The following MCTP2 variants were observed in gnomAD, a reference collection of about 807,000 sequenced individuals.
MCTP2 encodes the protein multiple C2 and transmembrane domain-containing protein 2.
In MCTP2, 132 loss-of-function variants were observed where a neutral mutation model predicts 111.6. The ratio of observed to expected loss-of-function variants is 1.18; its 90% CI spans 1.03 to 1.37. The LOEUF (loss-of-function observed/expected upper bound fraction) is 1.37, where lower values mean the gene tolerates loss of function less well. Among genes scored for constraint, MCTP2 ranks in the 40% most tolerant of loss-of-function variants. The probability of loss-of-function intolerance (pLI) is 0.00; values close to 1 mark genes in which losing one functional copy is unlikely to be tolerated. For missense variants in MCTP2, 1,183 were observed against 1,067.9 expected (o/e 1.11, Z -1.50); for synonymous variants, 395 against 387.7 (o/e 1.02, Z -0.22).
At chr15:94,446,248 T>C (rs576853113) in intron 19 of MCTP2, among the ~76,000 whole-genome samples, 1 of 152,328 alleles carries the variant, frequency 6.6e-6, no homozygotes, top group Non-Finnish European at 1.5e-5. Context: ...AAGCTAAACT[T>C]TGAAGAGAGG....
intron 1 of MCTP2, among the ~76,000 whole-genome samples, chr15:94,297,022 G>C (rs1483420905): frequency 6.6e-6 from 1 of 152,146 alleles, no homozygotes; most frequent in African/African-American, 2.4e-5. Flanking sequence ...CTGGGGTGGG[G>C]CACAACAGCC....
At chr15:94,293,337 A>G (rs1348877701) in intron 1 of MCTP2, among the ~76,000 whole-genome samples, 1 of 152,214 alleles carries the variant, frequency 6.6e-6, no homozygotes, top group Non-Finnish European at 1.5e-5. Context: ...CAAAATATTT[A>G]AAGAACTCTC....
At chr15:94,357,736 CT>C (rs1336372782) in intron 9 of MCTP2, among the ~76,000 whole-genome samples, 1 of 152,154 alleles carries the variant, frequency 6.6e-6, no homozygotes, top group East Asian at 1.9e-4. Context: ...CACTGCACCC[CT>C]AGAGCCTAAT....
intron 1 of MCTP2, among the ~76,000 whole-genome samples, chr15:94,251,158 C>A (rs1439038391): frequency 2.0e-5 from 3 of 152,126 alleles, no homozygotes; most frequent in African/African-American, 7.2e-5. Context: ...GCTGCCGTAG[C>A]CACAGTGAGG....
chr15:94,361,284 A>T (rs2078930041), intron 10 of MCTP2, among the ~76,000 whole-genome samples: 1 of 151,878 alleles, frequency 6.6e-6, no homozygotes, highest in Admixed American at 6.6e-5. Flanking sequence ...CTTGATATTC[A>T]TAATTGAACA....
chr15:94,386,558 G>A lies in MCTP2; in HGVS notation c.1788+1033G>A, dbSNP rs540991022. 5.9e-5 allele frequency among the ~76,000 whole-genome samples: 9 copies of A among 152,282 alleles called. No individual in the cohort carries two copies. In the South Asian group the frequency reaches 1.5e-3, roughly 25 times the overall value. ...GTCTGCAGCATCTGCTCCCTGGTAC[G>A]GCTGGCTCCTGCCACATGCTCTGAG... On this transcript the variant is annotated intron_variant, in intron 14 of 22. Transcript: ENST00000357742.
At chr15:94,353,074 A>G (rs1186341206) in intron 8 of MCTP2, among the ~76,000 whole-genome samples, 2 of 152,236 alleles carry the variant, frequency 1.3e-5, no homozygotes, top group Non-Finnish European at 2.9e-5. Flanking sequence ...TGAACTCTGC[A>G]ATAAATACTT....
chr15:94,346,804 G>A (rs1167834726), intron 8 of MCTP2, among the ~76,000 whole-genome samples: 1 of 151,830 alleles, frequency 6.6e-6, no homozygotes, highest in Non-Finnish European at 1.5e-5. Context: ...AAATGTTGAC[G>A]GCCTGGGTGA....
At chr15:94,441,526 G>A (rs191078229) in intron 18 of MCTP2, among the ~76,000 whole-genome samples, 65 of 152,280 alleles carry the variant, frequency 4.3e-4, no homozygotes, top group Middle Eastern at 3.4e-3. Context: ...GTGTGCATGT[G>A]AGAGCATGTA....
intron 2 of MCTP2, among the ~76,000 whole-genome samples, chr15:94,301,605 T>G (rs899919563): frequency 6.6e-6 from 1 of 152,254 alleles, no homozygotes; most frequent in Non-Finnish European, 1.5e-5. Context: ...TCAGCTGATA[T>G]TTGTTTAATA....
chr15:94,464,257 T>TATATATATATATATA (rs4001978), intron 20 of MCTP2, among the ~76,000 whole-genome samples: 3 of 44,968 alleles, frequency 6.7e-5, no homozygotes, highest in African/African-American at 1.8e-4. Flanking sequence ...TATATATATA[T>TATATATATATATATA]TATATATATA....
At chr15:94,233,384 A>C (rs932351244) in intron 1 of MCTP2, among the ~76,000 whole-genome samples, 2 of 152,164 alleles carry the variant, frequency 1.3e-5, no homozygotes, top group Admixed American at 1.3e-4. Context: ...CCAATTAATA[A>C]AATTGCATAT....
At chr15:94,403,172 T>C (rs12440796) in intron 17 of MCTP2, 116,795 of 985,496 alleles carry the variant, frequency 0.12, 7,259 homozygotes, top group African/African-American at 0.16. Flanking sequence ...ATGCTGCCTG[T>C]AGGCTTGACC....
chr15:94,418,334 T>C (rs2082468695), intron 17 of MCTP2, among the ~76,000 whole-genome samples: 1 of 152,198 alleles, frequency 6.6e-6, no homozygotes, highest in Non-Finnish European at 1.5e-5. Context: ...AATTTTGTTC[T>C]TGACCTCTTC....
chr15:94,461,025 T>TG (rs1466387939), intron 20 of MCTP2, among the ~76,000 whole-genome samples: 3 of 151,560 alleles, frequency 2.0e-5, no homozygotes, highest in Non-Finnish European at 3.0e-5. Context: ...ACTGATGGGT[T>TG]GGGGGGGACC....
chr15:94,472,149 G>A (rs557625114), intron 21 of MCTP2, among the ~76,000 whole-genome samples: 7 of 152,286 alleles, frequency 4.6e-5, no homozygotes, highest in South Asian at 2.1e-4. Flanking sequence ...AGGCCGAGGC[G>A]GGCAGATCAC....
chr15:94,367,415 C>T (rs1009890069), intron 10 of MCTP2, among the ~76,000 whole-genome samples, 190 bp from the exon 11 acceptor site: 3 of 152,142 alleles, frequency 2.0e-5, no homozygotes, highest in Non-Finnish European at 4.4e-5. Context: ...CTCTTCCTCT[C>T]CTTAATTTTA....
chr15:94,288,835 T>TG (rs2074894144), intron 1 of MCTP2, among the ~76,000 whole-genome samples: 2 of 152,196 alleles, frequency 1.3e-5, no homozygotes, highest in East Asian at 1.9e-4. Context: ...AAACCAGAAC[T>TG]GAAAAATACA....
chr15:94,262,663 T>G (rs1454111294), intron 1 of MCTP2, among the ~76,000 whole-genome samples: 1 of 148,214 alleles, frequency 6.7e-6, no homozygotes, highest in African/African-American at 2.5e-5. Context: ...ATTTCTTTCT[T>G]TTTTTTTTTG....
Sources: allele counts gnomAD v4.1 joint callset (sites outside exome capture counted in the v4.1 genomes callset), GRCh38; gene constraint gnomAD v4.1.1; transcripts MANE v1.5; gene names NCBI Gene and HGNC (gene_info 2026-07-23, HGNC 2026-07-21).